ARHGEF18: variants seen among roughly 807,000 people sequenced by gnomAD.
ARHGEF18 encodes the protein rho guanine nucleotide exchange factor 18.
A neutral mutation model predicts 155.7 loss-of-function variants in ARHGEF18; 93 were observed. The observed-to-expected ratio is 0.60, with a 90% CI of 0.50 to 0.71. The LOEUF (loss-of-function observed/expected upper bound fraction) is 0.71, where lower values mean the gene tolerates loss of function less well. Among genes scored for constraint, ARHGEF18 ranks in the 30% least tolerant of loss-of-function variants. ARHGEF18 has a pLI of 0.00. For missense variants in ARHGEF18, 1,593 were observed against 1,816.1 expected, an observed-to-expected ratio of 0.88 and a Z score of 2.23; for synonymous variants, 742 against 753.1, an observed-to-expected ratio of 0.99 and a Z score of 0.24.
At chr19:7,374,297 C>A (rs1302790404) in intron 3 of ARHGEF18, among the ~76,000 whole-genome samples, 3 of 152,038 alleles carry the variant, frequency 2.0e-5, no homozygotes, top group Non-Finnish European at 4.4e-5. Flanking sequence ...TCAGAGGCAG[C>A]CCAAAAAACC....
At chr19:7,384,201 G>A (rs113007567) in intron 10 of ARHGEF18, among the ~76,000 whole-genome samples, 4,378 of 152,212 alleles carry the variant, frequency 0.029, 106 homozygotes, top group South Asian at 0.078. Context: ...TGTTCTAAGG[G>A]GCTATCCTGT....
chr19:7,380,609 C>T (rs72992633), intron 7 of ARHGEF18, among the ~76,000 whole-genome samples: 30,428 of 151,482 alleles, frequency 0.2, 3,642 homozygotes, highest in Non-Finnish European at 0.26. Flanking sequence ...GCTCAAGCCC[C>T]GGAGGTCGAG....
At chr19:7,355,671 A>G (rs1440871832) in intron 1 of ARHGEF18, 1 of 985,326 alleles carries the variant, frequency 1.0e-6, no homozygotes, top group African/African-American at 1.7e-5. Context: ...GCCTTCTCCA[A>G]GCTGTGGCTG....
At chr19:7,405,653 C>G (rs1280027394) in intron 10 of ARHGEF18, among the ~76,000 whole-genome samples, 2 of 152,062 alleles carry the variant, frequency 1.3e-5, no homozygotes, top group African/African-American at 4.8e-5. Flanking sequence ...CTCTGTTGCC[C>G]AGGCTGGAGT....
chr19:7,441,511 C>T, intron 11 of ARHGEF18, 142 bp from the exon 12 acceptor site: 1 of 663,284 alleles, frequency 1.5e-6, no homozygotes, highest in Non-Finnish European at 2.6e-6. Context: ...GATCTGTAGA[C>T]AAAGTTGAGG....
At chr19:7,399,331 G>C (rs1012686838) in intron 10 of ARHGEF18, among the ~76,000 whole-genome samples, 1 of 152,074 alleles carries the variant, frequency 6.6e-6, no homozygotes, top group Non-Finnish European at 1.5e-5. Flanking sequence ...TCTCATTTTT[G>C]TGATGCAAAT....
intron 1 of ARHGEF18, among the ~76,000 whole-genome samples, chr19:7,352,919 C>T (rs1969194863): frequency 7.2e-6 from 1 of 138,546 alleles, no homozygotes; most frequent in South Asian, 2.5e-4. Flanking sequence ...TCATCACAAC[C>T]TCTGCCTCCC....
intron 1 of ARHGEF18, among the ~76,000 whole-genome samples, chr19:7,350,307 TGGA>T: frequency 6.6e-6 from 1 of 151,954 alleles, no homozygotes; most frequent in Non-Finnish European, 1.5e-5. Flanking sequence ...CCAGAGAGGA[TGGA>T]GCTAGGAAGT....
intron 10 of ARHGEF18, among the ~76,000 whole-genome samples, chr19:7,397,813 C>T (rs1320172989): frequency 2.0e-4 from 31 of 152,048 alleles, no homozygotes; most frequent in Admixed American, 2.0e-3. Context: ...AAGCGATCCT[C>T]CCACCTCGGC....
At chr19:7,455,516 G>T (rs1008599656) in intron 17 of ARHGEF18, among the ~76,000 whole-genome samples, 3 of 152,152 alleles carry the variant, frequency 2.0e-5, no homozygotes, top group African/African-American at 7.2e-5. Flanking sequence ...GGCGCCAAGG[G>T]GGACTGAGGG....
At chr19:7,385,021 A>G (rs1970927095) in intron 10 of ARHGEF18, among the ~76,000 whole-genome samples, 1 of 152,092 alleles carries the variant, frequency 6.6e-6, no homozygotes, top group African/African-American at 2.4e-5. Flanking sequence ...TGCACCAACA[A>G]AGTCAGTGTG....
Position 7,468,825 on chromosome 19 carries a change from G to A in ARHGEF18, c.3481G>A (p.Ala1161Thr). The change falls in exon 27 of 29, where the codon GCC (alanine) becomes ACC (threonine). Residue 1161 changes from alanine (A) to threonine (T), a missense_variant and splice_region_variant. Coordinates refer to ENST00000668164, the MANE Select transcript of ARHGEF18 (RefSeq NM_001367823.1). ...GATGTATCTGCTGTTGTCCCCTCAG[G>A]CCCAGCCCCCAAGCCACCCTCCCAG... ...GALPPDTLAE[A>T]QPPSHPPSFN... The A allele has an allele frequency of 6.5e-7, 1 of 1,548,524 alleles. No homozygotes were observed. The highest frequency in any genetic ancestry group is 8.8e-7 in the Non-Finnish European group (1 of 1,142,612).
chr19:7,451,119 T>C, intron 15 of ARHGEF18, 30 bp from the exon 16 acceptor site: 1 of 1,588,790 alleles, frequency 6.3e-7, no homozygotes, highest in Middle Eastern at 1.7e-4. Context: ...TCTGAGATGT[T>C]AATACAGGAT....
In ARHGEF18 at chr19:7,468,939, C is replaced by A; in HGVS notation, c.3595C>A (p.Arg1199Ser). The part of the protein sequence containing the change: ...PEYAERPEVA[R>S]RDSAPTENRL... ...GTACGCAGAGCGCCCCGAGGTGGCT[C>A]GCCGGGACAGCGCCCCCACCGAGAA... Residue 1199 changes from arginine to serine, a missense_variant, in exon 27 of 29, where the codon CGC becomes AGC. Coordinates refer to ENST00000668164, the MANE Select transcript of ARHGEF18 (RefSeq NM_001367823.1). 1.3e-6 allele frequency: 2 copies of A among 1,573,314 alleles called. No individual in the cohort carries two copies. Among genetic ancestry groups the A allele is most frequent in the Non-Finnish European group, 1.7e-6 (2 of 1,161,496 alleles).
chr19:7,460,194 G>A (rs932734686), intron 20 of ARHGEF18, among the ~76,000 whole-genome samples, 200 bp downstream of exon 20: 10 of 152,118 alleles, frequency 6.6e-5, no homozygotes, highest in African/African-American at 2.2e-4. Context: ...TAGCCCTTTG[G>A]GGGTATGTGG....
downstream of ARHGEF18, among the ~76,000 whole-genome samples, chr19:7,474,754 A>AGGGTGTGTGTGTGTGTGTGT (rs1555733264): frequency 7.0e-6 from 1 of 141,970 alleles, no homozygotes; most frequent in Admixed American, 7.0e-5. Flanking sequence ...TGGGCATTGG[A>AGGGTGTGTGTGTGTGTGTGT]GTGTGTGTGT....
At chr19:7,478,386 C>T in the ARHGEF18 span, 1 of 1,606,186 alleles carries the variant, frequency 6.2e-7, no homozygotes, top group African/African-American at 1.3e-5. Context: ...CCTGCAGCAC[C>T]AGAGCCCGAG....
At chr19:7,356,363 T>G (rs1969306556) in intron 1 of ARHGEF18, among the ~76,000 whole-genome samples, 1 of 151,360 alleles carries the variant, frequency 6.6e-6, no homozygotes, top group Non-Finnish European at 1.5e-5. Flanking sequence ...AAACTCTGCC[T>G]CCAGGGTTCA....
At chr19:7,453,382 T>TC (rs11463454) in intron 16 of ARHGEF18, 85 bp from the exon 17 acceptor site, 1,121,004 of 1,483,140 alleles carry the variant, frequency 0.76, 426,926 homozygotes, top group African/African-American at 0.94. Flanking sequence ...ACCTCATAGA[T>TC]CCACATGTCC....
Sources: gnomAD v4.1 joint callset for allele counts (sites outside exome capture counted in the v4.1 genomes callset) on GRCh38, gnomAD v4.1.1 for gene constraint, MANE v1.5 for transcripts, NCBI Gene and HGNC (gene_info 2026-07-23, HGNC 2026-07-21) for gene names.